Variants in PLD2 observed in about 807,000 individuals in gnomAD.
The protein encoded by PLD2 is choline phosphatase 2.
PLD2 carries 101 observed loss-of-function variants against 119.8 expected under a neutral mutation model. The observed-to-expected ratio is 0.84, with a 90% CI of 0.72 to 0.99. The LOEUF is 0.99. Among genes scored for constraint, PLD2 ranks in the 50% least tolerant of loss-of-function variants. The pLI is 0.00. For synonymous variants in PLD2, 494 were observed against 482.8 expected (o/e 1.02, Z -0.30); for missense variants, 1,164 against 1,226.8 (o/e 0.95, Z 0.76).
In PLD2 at chr17:4,819,867, G is replaced by A. The variant is rs1194270964; in HGVS notation, c.2462+285G>A. On this transcript the variant is annotated intron_variant, in intron 23 of 24. Transcript: ENST00000263088. The surrounding 1 kb of genome is among the most constrained non-coding windows in gnomAD (Gnocchi z 4.2). ...CAAAAAATCAGCTGGGTGTGGTGGC[G>A]GGCGCCTGTGATCCCAGCTACTAGG... Among the ~76,000 whole-genome samples the A allele has an allele frequency of 4.6e-5, 7 of 152,128 alleles. No individual in the cohort carries two copies. Among genetic ancestry groups the A allele is most frequent in the African/African-American group, 1.4e-4 (6 of 41,438 alleles).
chr17:4,811,541 G>A (rs1420957964), intron 10 of PLD2, among the ~76,000 whole-genome samples: 1 of 152,074 alleles, frequency 6.6e-6, no homozygotes, highest in Non-Finnish European at 1.5e-5. Context: ...GCCTCCCGAA[G>A]TGCTGGGATT....
rs992353299 is a variant in PLD2, at chr17:4,813,952, T to C, written c.1011-466T>C. 8.5e-5 allele frequency among the ~76,000 whole-genome samples: 13 copies of C among 152,350 alleles called. No individual in the cohort carries two copies. In the South Asian group the frequency reaches 1.2e-3, roughly 15 times the overall value. ...TGAGAATACCCACTTCCCCAGCATA[T>C]TGAATATTGATATTGAATGTTACCA... is the stretch of plus-strand genomic sequence containing the variant. On this transcript the variant is annotated intron_variant, in intron 10 of 24. Transcript: ENST00000263088.
In PLD2 at chr17:4,819,942, G is replaced by C. The variant is rs984601880; in HGVS notation, c.2462+360G>C. ...AAGCAGGAACACCAAAAAACAAAAA[G>C]AGAAAAAAATCTTTTTTTTTTGAGA... On this transcript the variant is annotated intron_variant, in intron 23 of 24. Transcript: ENST00000263088. This position sits in a 1 kb window ranked among gnomAD's most constrained non-coding sequence, Gnocchi z 4.2. 1.3e-5 allele frequency among the ~76,000 whole-genome samples: 2 copies of C among 152,058 alleles called. No homozygotes were observed. Among genetic ancestry groups the C allele is most frequent in the Non-Finnish European group, 2.9e-5 (2 of 67,988 alleles).
At position 4,818,530 on chromosome 17, in the gene PLD2, C is replaced by G. The variant is rs1243446094; in HGVS notation, c.2046C>G (p.Pro682=). The change falls in exon 20 of 25, where the codon CCC becomes CCG. Residue 682 remains proline (P), a synonymous_variant. Transcript: ENST00000263088. The part of the protein sequence containing the change: ...GWCYRVYVLL[P]LLPGFEGDIS... ...GTTACCGAGTCTACGTGCTTTTGCCCTTACTCCCTGGCTTCGAGGGTGACA... is the reference window on the plus strand; with the variant it reads ...GTTACCGAGTCTACGTGCTTTTGCCGTTACTCCCTGGCTTCGAGGGTGACA... 1 of 1,614,024 alleles carries G rather than the reference C, an allele frequency of 6.2e-7. No homozygotes were observed. Among genetic ancestry groups the G allele is most frequent in the Non-Finnish European group, 8.5e-7 (1 of 1,179,952 alleles).
Position 4,808,276 on chromosome 17 carries a change from G to A in PLD2, c.243G>A (p.Val81=). 2 of 1,613,932 alleles carry A rather than the reference G, an allele frequency of 1.2e-6. No individual in the cohort carries two copies. The highest frequency in any genetic ancestry group is 1.7e-6 in the Non-Finnish European group (2 of 1,179,860). ...GTERYTSGSK[V]GTCTLYSVRL... ...CATTCAGTTCCTCATACCCCTAGGT[G>A]GGAACCTGCACTCTGTATTCTGTCC... Residue 81 remains valine, a splice_region_variant and synonymous_variant, in exon 4 of 25, where the codon GTG becomes GTA. Transcript: ENST00000263088. This position sits in a 1 kb window ranked among gnomAD's most constrained non-coding sequence, Gnocchi z 4.1.
Position 4,817,149 on chromosome 17 carries a change from A to T in PLD2, c.1705A>T (p.Thr569Ser), listed in dbSNP as rs137971062. ...CTCTGCCATCCCTCCACGTCAGACC[A>T]CCAAGGCCAAGTACAAGACTCCCAC... Reference protein sequence around the residue: ...FIQRWNFTKTTKAKYKTPTYP... With the variant: ...FIQRWNFTKTSKAKYKTPTYP... Residue 569 changes from threonine to serine, a missense_variant, in exon 17 of 25, where the codon ACC becomes TCC. Thr to Ser is a moderately conservative substitution (Grantham distance 58). Coordinates refer to ENST00000263088, the MANE Select transcript of PLD2 (RefSeq NM_002663.5). 6.2e-7 allele frequency: 1 copy of T among 1,612,586 alleles called. No individual in the cohort carries two copies. The highest frequency in any genetic ancestry group is 1.3e-5 in the African/African-American group (1 of 74,890).
Position 4,819,016 on chromosome 17 carries a change from G to T in PLD2, c.2174-68G>T. The T allele has an allele frequency of 6.3e-7, 1 of 1,594,610 alleles. No individual in the cohort carries two copies. Among genetic ancestry groups the T allele is most frequent in the Non-Finnish European group, 8.6e-7 (1 of 1,168,038 alleles). ...TATGTAGGAAGAGTTTCTGGAGTGAGAGGAGGTGGGACAGGGCCCTGTGCA... is the reference window on the plus strand; with the variant it reads ...TATGTAGGAAGAGTTTCTGGAGTGATAGGAGGTGGGACAGGGCCCTGTGCA... On this transcript the variant is annotated intron_variant, in intron 21 of 24. Transcript: ENST00000263088. This position sits in a 1 kb window ranked among gnomAD's most constrained non-coding sequence, Gnocchi z 4.2.
chr17:4,821,796 G>A lies in PLD2; in HGVS notation c.2466G>A (p.Val822=). 1 of 1,611,438 alleles carries A rather than the reference G, an allele frequency of 6.2e-7. No individual in the cohort carries two copies. Among genetic ancestry groups the A allele is most frequent in the South Asian group, 1.1e-5 (1 of 91,002 alleles). ...CTGGGACCCCTTTCTCCTATAGTGT[G>A]ATTCTTGGAGCAAATACCCGGCCAG... ...ALSLRKHCFG[V]ILGANTRPDL... The change falls in exon 24 of 25, where the codon GTG becomes GTA. Residue 822 remains valine, a synonymous_variant. Coordinates refer to ENST00000263088, the MANE Select transcript of PLD2 (RefSeq NM_002663.5).
chr17:4,810,891 T>A lies in PLD2; in HGVS notation c.950T>A (p.Phe317Tyr), dbSNP rs1235228017. ...CTGGCACAGGGCCCAGGCAGAGACTTCCTACAGCTGCACCGGCATGACAGC... is the reference window on the plus strand; with the variant it reads ...CTGGCACAGGGCCCAGGCAGAGACTACCTACAGCTGCACCGGCATGACAGC... ...TELAQGPGRD[F>Y]LQLHRHDSYA... The change falls in exon 10 of 25, where the codon TTC becomes TAC. Residue 317 changes from phenylalanine (F) to tyrosine (Y), a missense_variant. Transcript: ENST00000263088. 1 of 1,613,662 alleles carries A rather than the reference T, an allele frequency of 6.2e-7. No homozygotes were observed. The highest frequency in any genetic ancestry group is 8.5e-7 in the Non-Finnish European group (1 of 1,179,958).
chr17:4,816,382 CAA>C lies in PLD2; in HGVS notation c.1456-223_1456-222del, dbSNP rs113078659. Among the ~76,000 whole-genome samples, 1,103 of 129,428 alleles carry C rather than the reference CAA, an allele frequency of 8.5e-3. 6 individuals carry two copies. Among genetic ancestry groups the C allele is most frequent in the Non-Finnish European group, 0.014 (807 of 59,768 alleles). The allele number at this position is 129,428 out of a possible 152,430, so 84.9% of individuals were successfully genotyped here. A position where few individuals can be genotyped will look rare whatever the true frequency, so the allele number is the denominator to read the frequency against. ...TGGGCAACAGAGCGAGACTCTGTCTCAAAAAAAAAAAAAAAAGTGCTGTCACC... is the reference window on the plus strand; with the variant it reads ...TGGGCAACAGAGCGAGACTCTGTCTCAAAAAAAAAAAAAAGTGCTGTCACC... On this transcript the variant is annotated intron_variant, in intron 14 of 24. Transcript: ENST00000263088.
At chr17:4,815,198 T>G (rs1490141011) in intron 12 of PLD2, among the ~76,000 whole-genome samples, 1 of 151,880 alleles carries the variant, frequency 6.6e-6, no homozygotes, top group Non-Finnish European at 1.5e-5. Context: ...GGTAGATGGA[T>G]GAATGATAGA....
rs895744207 is a variant in PLD2, at chr17:4,808,425, G to C, written c.383+9G>C. Reference sequence around the variant, plus strand: ...CTGCTCCCTCTGGCTCGGTGAGGGCGACCGGACTGCTTCCTGTAGAGGGCA... The same window carrying C: ...CTGCTCCCTCTGGCTCGGTGAGGGCCACCGGACTGCTTCCTGTAGAGGGCA... On this transcript the variant is annotated intron_variant, in intron 4 of 24. Coordinates refer to ENST00000263088, the MANE Select transcript of PLD2 (RefSeq NM_002663.5). The surrounding 1 kb of genome is among the most constrained non-coding windows in gnomAD (Gnocchi z 4.1). 5.6e-6 allele frequency: 9 copies of C among 1,612,396 alleles called. No individual in the cohort carries two copies. Among genetic ancestry groups the C allele is most frequent in the African/African-American group, 2.7e-5 (2 of 74,852 alleles).
At chr17:4,810,733 G>GA in intron 9 of PLD2, 69 bp from the exon 10 acceptor site, 1 of 1,198,800 alleles carries the variant, frequency 8.3e-7, no homozygotes, top group Non-Finnish European at 1.1e-6. Context: ...GTGGGAAAGG[G>GA]GAGGTCTCTA....
At position 4,816,622 on chromosome 17, in the gene PLD2, TC is replaced by T; in HGVS notation, c.1461del (p.Thr488ProfsTer167). ...DSSESAASQPPTPRPDSPATP... is the reference protein window; with the variant it reads ...DSSESAASQPXTPRPDSPATP... ...GCTTGGGTGTGTTCCCCCTACAGCC[TC>T]CCACCCCGCGCCCAGACTCACCAGC... is the stretch of plus-strand genomic sequence containing the variant. On this transcript the variant is annotated frameshift_variant, in exon 15 of 25. Transcript: ENST00000263088. LOFTEE classifies it high-confidence loss of function. The T allele has an allele frequency of 1.9e-6, 3 of 1,613,640 alleles. No homozygotes were observed. The highest frequency in any genetic ancestry group is 2.5e-6 in the Non-Finnish European group (3 of 1,179,800).
rs755916788 is a variant in PLD2 at position 4,819,133 on chromosome 17, C to T, written c.2223C>T (p.His741=). 4.8e-5 allele frequency: 78 copies of T among 1,614,062 alleles called. No individual in the cohort carries two copies. Among genetic ancestry groups the T allele is most frequent in the Non-Finnish European group, 6.1e-5 (72 of 1,180,046 alleles). Reference sequence around the variant, plus strand: ...TTTCCATCTGCGGGCTTCGTACACACGGAGAGCTGGGCGGGCACCCCGTCT... The same window carrying T: ...TTTCCATCTGCGGGCTTCGTACACATGGAGAGCTGGGCGGGCACCCCGTCT... The part of the protein sequence containing the change: ...DYISICGLRT[H]GELGGHPVSE... Residue 741 remains histidine, a synonymous_variant, in exon 22 of 25, where the codon CAC becomes CAT. Transcript: ENST00000263088. This position sits in a 1 kb window ranked among gnomAD's most constrained non-coding sequence, Gnocchi z 4.2.
chr17:4,817,513 T>C, intron 17 of PLD2: 2 of 478,410 alleles, frequency 4.2e-6, no homozygotes, highest in South Asian at 4.3e-5. Flanking sequence ...ATACAAAAAA[T>C]TAGCCGGGCG....
Position 4,818,548 on chromosome 17 carries a change from G to C in PLD2, c.2064G>C (p.Glu688Asp). The change falls in exon 20 of 25, where the codon GAG (glutamate) becomes GAC (aspartate). Residue 688 changes from glutamate to aspartate, a missense_variant. Physicochemically the swap from Glu to Asp is conservative, Grantham distance 45. Coordinates refer to ENST00000263088, the MANE Select transcript of PLD2 (RefSeq NM_002663.5). ...TTTTGCCCTTACTCCCTGGCTTCGA[G>C]GGTGACATCTCCACGGGCGGTGGCA... ...YVLLPLLPGFEGDISTGGGNS... is the reference protein window; with the variant it reads ...YVLLPLLPGFDGDISTGGGNS... 1 of 1,613,988 alleles carries C rather than the reference G, an allele frequency of 6.2e-7. No homozygotes were observed. The highest frequency in any genetic ancestry group is 2.2e-5 in the East Asian group (1 of 44,874).
At position 4,807,487 on chromosome 17, in the gene PLD2, G is replaced by T; in HGVS notation, c.-2+262G>T. 1 of 305,942 alleles carries T rather than the reference G, an allele frequency of 3.3e-6. No homozygotes were observed. The allele number at this position is 305,942 out of a possible 1,614,324, so 19.0% of individuals were successfully genotyped here. Reference sequence around the variant, plus strand: ...CCGCGCAGCTGCTGCGCCGCCCCAGGTCGGAGCCTTCCGGGCCTGGCTGGG... The same window carrying T: ...CCGCGCAGCTGCTGCGCCGCCCCAGTTCGGAGCCTTCCGGGCCTGGCTGGG... On this transcript the variant is annotated intron_variant, in intron 1 of 24. Transcript: ENST00000263088. This position sits in a 1 kb window ranked among gnomAD's most constrained non-coding sequence, Gnocchi z 5.4.
chr17:4,815,648 C>T, intron 13 of PLD2, 62 bp downstream of exon 13: 1 of 1,581,120 alleles, frequency 6.3e-7, no homozygotes, highest in Non-Finnish European at 8.7e-7. Flanking sequence ...TGTCCCAGCC[C>T]CCAGCGCTCC....
Sources: gnomAD v4.1 joint callset for allele counts (sites outside exome capture counted in the v4.1 genomes callset) on GRCh38, gnomAD v4.1.1 for gene constraint, Gnocchi (gnomAD v3.1) non-coding constraint, MANE v1.5 for transcripts, NCBI Gene and HGNC (gene_info 2026-07-23, HGNC 2026-07-21) for gene names.